ANK2: variants seen among roughly 807,000 people sequenced by gnomAD.
ANK2 encodes the protein ankyrin 2.
Under a neutral mutation model 360.5 loss-of-function variants are expected in ANK2, and 83 were observed. That is an observed-to-expected ratio of 0.23 (90% CI 0.19 to 0.28). ANK2 has a LOEUF of 0.28. Ranked by LOEUF, ANK2 falls within the 10% of genes least tolerant of loss-of-function variation. The probability of loss-of-function intolerance (pLI) is 1.00; values close to 1 mark genes in which losing one functional copy is unlikely to be tolerated. For missense variants in ANK2, 4,201 were observed against 4,795.7 expected, an observed-to-expected ratio of 0.88 and a Z score of 3.66; for synonymous variants, 1,740 against 1,759.5, an observed-to-expected ratio of 0.99 and a Z score of 0.28.
chr4:112,826,986 T>A (rs2058550532), intron 1 of ANK2: 2 of 1,524,262 alleles, frequency 1.3e-6, no homozygotes, highest in Middle Eastern at 1.7e-4. Flanking sequence ...ACCATTTCTT[T>A]TTATTGGAGT....
intron 1 of ANK2, among the ~76,000 whole-genome samples, chr4:113,115,755 TATGTC>T (rs2094701276): frequency 6.6e-6 from 1 of 152,202 alleles, no homozygotes; most frequent in Admixed American, 6.5e-5. Context: ...TGGAAGCAGA[TATGTC>T]ATAAGGGTTA....
chr4:113,126,547 C>T (rs979053323), intron 1 of ANK2, among the ~76,000 whole-genome samples: 15 of 152,104 alleles, frequency 9.9e-5, no homozygotes, highest in East Asian at 3.9e-4. Flanking sequence ...AATGAGCTTT[C>T]GTTCAGGGTG....
intron 2 of ANK2, among the ~76,000 whole-genome samples, chr4:112,962,184 C>T (rs1436684501): frequency 6.6e-6 from 1 of 152,082 alleles, no homozygotes; most frequent in African/African-American, 2.4e-5. Flanking sequence ...AATTTTTCAA[C>T]CCATACTTCC....
At chr4:112,739,204 T>A in the ANK2 span, 1 of 298,212 alleles carries the variant, frequency 3.4e-6, no homozygotes, top group South Asian at 3.3e-5. Flanking sequence ...AAGAGTCCAT[T>A]GTAAGGAGAG....
the ANK2 span, among the ~76,000 whole-genome samples, chr4:112,776,327 A>T: frequency 2.0e-5 from 3 of 152,380 alleles, no homozygotes; most frequent in Admixed American, 6.5e-5. Flanking sequence ...TATTTACTGA[A>T]TTGGACAAAG....
chr4:112,757,997 G>C, the ANK2 span, among the ~76,000 whole-genome samples: 1 of 151,698 alleles, frequency 6.6e-6, no homozygotes, highest in Non-Finnish European at 1.5e-5. Flanking sequence ...TCCACTTCTC[G>C]GGTTCAAGCG....
intron 2 of ANK2, among the ~76,000 whole-genome samples, chr4:112,958,436 A>AG (rs950172286): frequency 2.6e-5 from 4 of 152,180 alleles, no homozygotes; most frequent in Non-Finnish European, 5.9e-5. Flanking sequence ...CACCAAAAAA[A>AG]TACGAAAAAC....
chr4:113,171,592 A>T (rs1038212266), intron 1 of ANK2, among the ~76,000 whole-genome samples: 6 of 152,198 alleles, frequency 3.9e-5, no homozygotes, highest in Non-Finnish European at 8.8e-5. Context: ...AAAGTCTCCT[A>T]TGACTCAACT....
chr4:112,803,575 A>G, the ANK2 span, among the ~76,000 whole-genome samples: 1 of 152,164 alleles, frequency 6.6e-6, no homozygotes, highest in African/African-American at 2.4e-5. Flanking sequence ...AGGGAGCACA[A>G]TCCTGTCGAC....
intron 2 of ANK2, among the ~76,000 whole-genome samples, chr4:113,183,061 C>T (rs1395033777): frequency 6.6e-6 from 1 of 151,918 alleles, no homozygotes; most frequent in African/African-American, 2.4e-5. Flanking sequence ...TTGCTAGAAT[C>T]GTGGATAGTT....
chr4:113,241,282 T>C (rs2153570180), intron 8 of ANK2, among the ~76,000 whole-genome samples: 1 of 152,322 alleles, frequency 6.6e-6, no homozygotes, highest in South Asian at 2.1e-4. Context: ...TGAAACTATG[T>C]TGTGTTATTT....
At chr4:113,270,831 A>C (rs1369884965) in intron 14 of ANK2, among the ~76,000 whole-genome samples, 1 of 152,212 alleles carries the variant, frequency 6.6e-6, no homozygotes, top group Admixed American at 6.5e-5. Context: ...GCAAGAAGTT[A>C]GGGTTTTCCT....
chr4:113,368,144 C>G (rs1368781366), intron 42 of ANK2, among the ~76,000 whole-genome samples: 1 of 152,158 alleles, frequency 6.6e-6, no homozygotes, highest in South Asian at 2.1e-4. Flanking sequence ...ATAATACACA[C>G]TTGACTCATC....
intron 2 of ANK2, among the ~76,000 whole-genome samples, chr4:113,004,198 T>C (rs1002155581): frequency 7.9e-5 from 12 of 152,308 alleles, no homozygotes; most frequent in Admixed American, 2.0e-4. Flanking sequence ...GATAATAAGT[T>C]AACCTTAGCT....
At chr4:112,759,775 A>T in the ANK2 span, among the ~76,000 whole-genome samples, 7 of 152,126 alleles carry the variant, frequency 4.6e-5, no homozygotes, top group African/African-American at 1.7e-4. Context: ...AGGACTTTGT[A>T]CTTTTCAAAG....
chr4:113,192,427 T>C (rs1361833426), intron 2 of ANK2, among the ~76,000 whole-genome samples: 1 of 152,220 alleles, frequency 6.6e-6, no homozygotes, highest in Non-Finnish European at 1.5e-5. Context: ...CAGTGCACTC[T>C]GTCTTTCTTT....
intron 4 of ANK2, among the ~76,000 whole-genome samples, chr4:113,225,781 T>G (rs866206472): frequency 7.2e-5 from 11 of 152,334 alleles, no homozygotes; most frequent in Middle Eastern, 3.4e-3. Context: ...AAATATTAGC[T>G]CTTGCACATT....
intron 2 of ANK2, among the ~76,000 whole-genome samples, chr4:113,183,247 A>C (rs1432767507): frequency 6.6e-6 from 1 of 151,958 alleles, no homozygotes; most frequent in African/African-American, 2.4e-5. Flanking sequence ...AGGAGGGAGA[A>C]GGTGTGAAAT....
chr4:112,933,523 G>A (rs28464633), intron 2 of ANK2, among the ~76,000 whole-genome samples: 44,595 of 149,460 alleles, frequency 0.3, 8,314 homozygotes, highest in African/African-American at 0.53. Flanking sequence ...TTTTTGAGGC[G>A]GAGTGTTGCT....
Sources: gnomAD v4.1 joint callset for allele counts (sites outside exome capture counted in the v4.1 genomes callset) on GRCh38, gnomAD v4.1.1 for gene constraint, MANE v1.5 for transcripts, NCBI Gene and HGNC (gene_info 2026-07-23, HGNC 2026-07-21) for gene names.